The following IFT81 variants were observed in gnomAD, a reference collection of about 807,000 sequenced individuals.
IFT81 encodes the protein intraflagellar transport protein 81 homolog.
Under a neutral mutation model 102.6 loss-of-function variants are expected in IFT81, and 72 were observed. That is an observed-to-expected ratio of 0.70 (90% CI 0.58 to 0.85). The LOEUF (loss-of-function observed/expected upper bound fraction) is 0.85, where lower values mean the gene tolerates loss of function less well. IFT81 is among the 40% of genes least tolerant of loss of function. The probability of loss-of-function intolerance (pLI) is 0.00; values close to 1 mark genes in which losing one functional copy is unlikely to be tolerated. For synonymous variants in IFT81, 237 were observed against 242.7 expected (o/e 0.98, Z 0.22); for missense variants, 723 against 787.3 (o/e 0.92, Z 0.98).
intron 8 of IFT81, among the ~76,000 whole-genome samples, chr12:110,141,823 G>A (rs570189149): frequency 3.3e-5 from 5 of 152,286 alleles, no homozygotes; most frequent in Admixed American, 2.0e-4. Context: ...GACAGAGGAT[G>A]CAGTGAACCC....
intron 17 of IFT81, among the ~76,000 whole-genome samples, chr12:110,208,397 C>G (rs1162988607): frequency 6.6e-6 from 1 of 152,030 alleles, no homozygotes; most frequent in East Asian, 1.9e-4. Flanking sequence ...ATCCCAGTAT[C>G]TGGGAGGCTA....
At chr12:110,191,210 GC>G in intron 13 of IFT81, 162 bp downstream of exon 13, 1 of 617,692 alleles carries the variant, frequency 1.6e-6, no homozygotes, top group Non-Finnish European at 2.5e-6. Context: ...TCACTCTATT[GC>G]CCAGGCTAGA....
intron 1 of IFT81, 29 bp from the exon 2 acceptor site, chr12:110,127,331 G>A: frequency 7.0e-7 from 1 of 1,422,108 alleles, no homozygotes; most frequent in Non-Finnish European, 9.2e-7. Flanking sequence ...CCAGTATTAA[G>A]GATTTTTTTT....
At chr12:110,169,468 T>G (rs1342553222) in intron 11 of IFT81, among the ~76,000 whole-genome samples, 1 of 152,194 alleles carries the variant, frequency 6.6e-6, no homozygotes, top group Non-Finnish European at 1.5e-5. Context: ...AGTGTTATTT[T>G]TTTTGTTTAT....
intron 14 of IFT81, among the ~76,000 whole-genome samples, chr12:110,194,567 C>T (rs574675326): frequency 6.6e-6 from 1 of 152,050 alleles, no homozygotes; most frequent in Non-Finnish European, 1.5e-5. Flanking sequence ...AGCCACCACA[C>T]CCACCCTGTT....
At chr12:110,127,557 C>A in intron 2 of IFT81, 33 bp downstream of exon 2, 1 of 1,551,028 alleles carries the variant, frequency 6.4e-7, no homozygotes, top group Non-Finnish European at 8.7e-7. Context: ...TGATGGGTAG[C>A]AGAAAGCCAA....
Position 110,147,697 on chromosome 12 carries a change from A to G in IFT81, c.1041+649A>G, listed in dbSNP as rs191937813. Among the ~76,000 whole-genome samples, 28 of 152,324 alleles carry G rather than the reference A, an allele frequency of 1.8e-4. 1 individual carries two copies. The highest frequency in any genetic ancestry group is 3.4e-3 in the Middle Eastern group (1 of 294). On this transcript the variant is annotated intron_variant, in intron 10 of 18. Transcript: ENST00000242591. ...CCTTTATAACGGAAAATTTCAATCA[A>G]TTACAAAGGTAGAGGCAAATTGTTC...
intron 1 of IFT81, among the ~76,000 whole-genome samples, chr12:110,125,521 A>G (rs1893780335): frequency 6.6e-6 from 1 of 152,080 alleles, no homozygotes; most frequent in Non-Finnish European, 1.5e-5. Flanking sequence ...CAGCCTCCCA[A>G]GTAGCTGGGA....
At chr12:110,134,878 A>G in intron 5 of IFT81, 70 bp from the exon 6 acceptor site, 2 of 1,158,320 alleles carry the variant, frequency 1.7e-6, no homozygotes, top group Non-Finnish European at 2.5e-6. Context: ...CATAATCAAA[A>G]TAAAACCTTA....
Position 110,180,527 on chromosome 12 carries a change from G to A in IFT81, c.1294G>A (p.Glu432Lys). The A allele has an allele frequency of 1.2e-6, 2 of 1,609,368 alleles. No homozygotes were observed. Among genetic ancestry groups the A allele is most frequent in the East Asian group, 2.2e-5 (1 of 44,734 alleles). Residue 432 changes from glutamate to lysine, a missense_variant, in exon 12 of 19, where the codon GAA (glutamate) becomes AAA (lysine). Coordinates refer to ENST00000242591, the MANE Select transcript of IFT81 (RefSeq NM_014055.4). ...TGAATTCGGTCTTTTGCAGAGGACT[G>A]AAGAACTTCTTAAGCAACGTCATGA... The part of the protein sequence containing the change: ...KAEFGLLQRT[E>K]ELLKQRHENI...
At chr12:110,175,612 T>C (rs985657720) in intron 11 of IFT81, among the ~76,000 whole-genome samples, 1 of 152,260 alleles carries the variant, frequency 6.6e-6, no homozygotes, top group Admixed American at 6.5e-5. Context: ...AAAGTCCTGC[T>C]ACTTGTAAAA....
At chr12:110,167,681 G>A (rs1450700283) in intron 11 of IFT81, among the ~76,000 whole-genome samples, 1 of 151,848 alleles carries the variant, frequency 6.6e-6, no homozygotes, top group East Asian at 1.9e-4. Flanking sequence ...ATGGAGATTT[G>A]CCCTTTATCC....
chr12:110,150,176 G>C (rs937442878), intron 10 of IFT81, among the ~76,000 whole-genome samples: 10 of 151,516 alleles, frequency 6.6e-5, no homozygotes, highest in Non-Finnish European at 1.5e-4. Flanking sequence ...GCATGATCTT[G>C]GCTCACTACA....
chr12:110,151,207 G>A (rs1895506451), intron 10 of IFT81, among the ~76,000 whole-genome samples: 1 of 152,042 alleles, frequency 6.6e-6, no homozygotes, highest in South Asian at 2.1e-4. Flanking sequence ...AATTTCAACT[G>A]ATTTGAGACA....
rs188440793 is a variant in IFT81, at chr12:110,135,728, A to C, written c.696+291A>C. 6.9e-3 allele frequency among the ~76,000 whole-genome samples: 1,044 copies of C among 152,128 alleles called. 1 individual carries two copies. Among genetic ancestry groups the C allele is most frequent in the Non-Finnish European group, 9.5e-3 (643 of 68,000 alleles). ...CTAAAAATATAAAAATTAGCTGGGC[A>C]TGGTGGCACATGCCTGTAGTCCCAG... On this transcript the variant is annotated intron_variant, in intron 7 of 18. Transcript: ENST00000242591.
At chr12:110,200,815 T>A (rs1898226761) in intron 14 of IFT81, among the ~76,000 whole-genome samples, 2 of 151,948 alleles carry the variant, frequency 1.3e-5, no homozygotes, top group East Asian at 3.9e-4. Context: ...CTGGGTGTGG[T>A]GGCACATGGC....
At chr12:110,129,297 G>A (rs1424635147) in intron 4 of IFT81, among the ~76,000 whole-genome samples, 167 bp downstream of exon 4, 1 of 151,440 alleles carries the variant, frequency 6.6e-6, no homozygotes, top group Non-Finnish European at 1.5e-5. Context: ...CAAGATAATG[G>A]CTTTTGCACA....
chr12:110,213,542 A>C (rs1263100540), intron 18 of IFT81, among the ~76,000 whole-genome samples: 2 of 152,154 alleles, frequency 1.3e-5, no homozygotes, highest in Non-Finnish European at 2.9e-5. Context: ...CTAGATCCTT[A>C]ATTCATTAGA....
At chr12:110,145,597 C>A (rs1309375472) in intron 9 of IFT81, among the ~76,000 whole-genome samples, 1 of 151,496 alleles carries the variant, frequency 6.6e-6, no homozygotes. Context: ...CCACCATGCC[C>A]AGCTAATTTT....
Sources: allele counts gnomAD v4.1 joint callset (sites outside exome capture counted in the v4.1 genomes callset), GRCh38; gene constraint gnomAD v4.1.1; transcripts MANE v1.5; gene names NCBI Gene and HGNC (gene_info 2026-07-23, HGNC 2026-07-21).